UBR1: variants seen among roughly 807,000 people sequenced by gnomAD.
UBR1 encodes the protein E3 ubiquitin-protein ligase UBR1.
A neutral mutation model predicts 242.1 loss-of-function variants in UBR1; 102 were observed. The observed-to-expected ratio is 0.42, with a 90% confidence interval of 0.36 to 0.50. The LOEUF (loss-of-function observed/expected upper bound fraction) is 0.50. Ranked by LOEUF, UBR1 falls within the 20% of genes least tolerant of loss-of-function variation. UBR1 has a pLI of 0.01. For missense variants in UBR1, 1,772 were observed against 2,101.8 expected (o/e 0.84, Z 3.07); for synonymous variants, 675 against 684.8 (o/e 0.99, Z 0.22).
At position 42,970,421 on chromosome 15, in the gene UBR1, T is replaced by C. The variant is rs902617785; in HGVS notation, c.4457+99A>G. The C allele has an allele frequency of 1.4e-5, 18 of 1,298,642 alleles. No homozygotes were observed. In the African/African-American group the frequency reaches 2.3e-4, roughly 17 times the overall value. The allele number at this position is 1,298,642 out of a possible 1,614,324, so 80.4% of individuals were successfully genotyped here. A position where few individuals can be genotyped will look rare whatever the true frequency, so the allele number is the denominator to read the frequency against. On this transcript the variant is annotated intron_variant, in intron 40 of 46. Coordinates refer to ENST00000290650, the MANE Select transcript of UBR1 (RefSeq NM_174916.3). ...GAAAACCTAGGCAATAACTGATTAT[T>C]TTTAACTGGAATTTAAATGATTCAA...
chr15:42,946,958 G>A (rs920512163), intron 46 of UBR1, among the ~76,000 whole-genome samples: 2 of 152,076 alleles, frequency 1.3e-5, no homozygotes, highest in East Asian at 1.9e-4. Context: ...GACCAGTCTG[G>A]CCAACACAGT....
rs750466270 is a variant in UBR1 at position 43,027,769 on chromosome 15, C to G, written c.2432+7G>C. On this transcript the variant is annotated splice_region_variant and intron_variant, in intron 22 of 46. Coordinates refer to ENST00000290650, the MANE Select transcript of UBR1 (RefSeq NM_174916.3). ...TTTTAGAATAAGCATAAATATTAAG[C>G]ACTTACTTAAATGTGGCCACTTTGT... The G allele has an allele frequency of 6.2e-6, 10 of 1,609,390 alleles. No individual in the cohort carries two copies. The Admixed American group carries it at 1.7e-4, about 27-fold the overall frequency.
At position 43,053,356 on chromosome 15, in the gene UBR1, T is replaced by G. The variant is rs143037300; in HGVS notation, c.1439+1386A>C. ...CCACTTAACTGGATATAAAAATAAC[T>G]CAGTTATAATACTTCACAGTAATGA... On this transcript the variant is annotated intron_variant, in intron 12 of 46. Coordinates refer to ENST00000290650, the MANE Select transcript of UBR1 (RefSeq NM_174916.3). Among the ~76,000 whole-genome samples, 182 of 152,268 alleles carry G rather than the reference T, an allele frequency of 1.2e-3. 1 individual carries two copies. The highest frequency in any genetic ancestry group is 4.3e-3 in the African/African-American group (180 of 41,544).
At chr15:42,949,824 T>A (rs2031799948) in intron 46 of UBR1, among the ~76,000 whole-genome samples, 1 of 149,620 alleles carries the variant, frequency 6.7e-6, no homozygotes, top group Middle Eastern at 3.4e-3. Context: ...AAATAAATAA[T>A]AAAAATAAAA....
At chr15:42,948,390 A>C (rs192727326) in intron 46 of UBR1, among the ~76,000 whole-genome samples, 13 of 152,336 alleles carry the variant, frequency 8.5e-5, no homozygotes, top group Admixed American at 3.3e-4. Context: ...TCATGTCTAA[A>C]ACCCCAAAAG....
rs1874145198 is a variant in UBR1, at chr15:42,945,355, A to G, written c.5224T>C (p.Phe1742Leu). 1.2e-6 allele frequency: 2 copies of G among 1,614,180 alleles called. No individual in the cohort carries two copies. The highest frequency in any genetic ancestry group is 4.5e-5 in the East Asian group (2 of 44,882). Residue 1742 changes from phenylalanine (F) to leucine (L), a missense_variant, in exon 47 of 47, where the codon TTT (phenylalanine) becomes CTT (leucine). Around this residue, in one of 3 missense-constraint regions of UBR1, gnomAD observed 965 missense variants for 1,079.7 expected, o/e 0.89. Coordinates refer to ENST00000290650, the MANE Select transcript of UBR1 (RefSeq NM_174916.3). ...CACAGTAACTGCCAGTTGAATCCAAATAACATCTGATTAGTCTCTTGGCTC... is the reference window on the plus strand; with the variant it reads ...CACAGTAACTGCCAGTTGAATCCAAGTAACATCTGATTAGTCTCTTGGCTC... ...ARSQETNQML[F>L]GFNWQLL is the part of the protein sequence containing the mutation.
chr15:43,075,461 T>A (rs1023614125), intron 3 of UBR1, among the ~76,000 whole-genome samples: 2 of 152,186 alleles, frequency 1.3e-5, no homozygotes, highest in Non-Finnish European at 2.9e-5. Flanking sequence ...TGTTATACTT[T>A]AAGTTTTAGG....
Position 43,049,897 on chromosome 15 carries a change from C to A in UBR1, c.1440-1406G>T, listed in dbSNP as rs571149391. On this transcript the variant is annotated intron_variant, in intron 12 of 46. Coordinates refer to ENST00000290650, the MANE Select transcript of UBR1 (RefSeq NM_174916.3). ...GCAGCACCAGCCTCACCTGAGTGCT[C>A]TTTAAAGAGGCAACATGTTGGGCTC... 5.9e-5 allele frequency among the ~76,000 whole-genome samples: 9 copies of A among 152,220 alleles called. No homozygotes were observed. In the East Asian group the frequency reaches 1.7e-3, roughly 29 times the overall value.
In UBR1 at chr15:43,032,744, C is replaced by T. The variant is rs6493077; in HGVS notation, c.2191-113G>A. On this transcript the variant is annotated intron_variant, in intron 19 of 46. Transcript: ENST00000290650. ...CCAGCCTAGTATTTTTCATCCAGTCCAGTATTTTTTTTGTATGTGTGCACA... is the reference window on the plus strand; with the variant it reads ...CCAGCCTAGTATTTTTCATCCAGTCTAGTATTTTTTTTGTATGTGTGCACA... 576,823 of 670,656 alleles carry T rather than the reference C, an allele frequency of 0.86. 249,343 individuals are homozygous for T. The highest frequency in any genetic ancestry group is 0.89 in the Non-Finnish European group (346,063 of 390,618). The allele number at this position is 670,656 out of a possible 1,614,324, so 41.5% of individuals were successfully genotyped here.
chr15:42,977,329 G>C (rs971158609), intron 38 of UBR1, among the ~76,000 whole-genome samples: 1 of 152,132 alleles, frequency 6.6e-6, no homozygotes, highest in Non-Finnish European at 1.5e-5. Flanking sequence ...GAGGATGTTG[G>C]CTACCCCTGC....
chr15:43,025,942 A>G (rs6493076), intron 23 of UBR1: 134,634 of 156,384 alleles, frequency 0.86, 58,063 homozygotes, highest in South Asian at 0.89. Flanking sequence ...AATTAAAGGA[A>G]ACTATTGGCC....
At chr15:42,970,811 CT>C (rs2032193198) in intron 39 of UBR1, among the ~76,000 whole-genome samples, 1 of 152,088 alleles carries the variant, frequency 6.6e-6, no homozygotes, top group African/African-American at 2.4e-5. Context: ...CAACCTCCAC[CT>C]CCCGGATTCA....
chr15:43,025,597 C>T (rs2033168346), intron 23 of UBR1, 168 bp from the exon 24 acceptor site: 3 of 606,200 alleles, frequency 4.9e-6, no homozygotes, highest in Admixed American at 5.8e-5. Context: ...CTAGAGAAAC[C>T]TAATGCAAAA....
At chr15:43,053,460 T>G (rs1256407571) in intron 12 of UBR1, among the ~76,000 whole-genome samples, 2 of 152,188 alleles carry the variant, frequency 1.3e-5, no homozygotes, top group African/African-American at 4.8e-5. Flanking sequence ...AGTTTTTGTT[T>G]TGTACAACAT....
At chr15:43,081,417 CAAAAAAAAAAAAA>C (rs71108197) in intron 3 of UBR1, among the ~76,000 whole-genome samples, 5 of 69,710 alleles carry the variant, frequency 7.2e-5, no homozygotes, top group African/African-American at 2.8e-4. Flanking sequence ...CACCCCATCT[CAAAAAAAAAAAAA>C]AAAAAAAAAA....
chr15:43,055,310 T>A (rs1258189099), intron 11 of UBR1, among the ~76,000 whole-genome samples: 1 of 152,000 alleles, frequency 6.6e-6, no homozygotes, highest in Non-Finnish European at 1.5e-5. Flanking sequence ...CCAGGTGTGG[T>A]GGCAATGCCT....
At chr15:43,002,746 T>C in intron 31 of UBR1, 42 bp from the exon 32 acceptor site, 1 of 1,613,710 alleles carries the variant, frequency 6.2e-7, no homozygotes, top group Non-Finnish European at 8.5e-7. Flanking sequence ...GAACTACACA[T>C]GCATCTCTAC....
At chr15:43,020,761 AC>A (rs1378166408) in intron 27 of UBR1, among the ~76,000 whole-genome samples, 3 of 152,110 alleles carry the variant, frequency 2.0e-5, no homozygotes, top group African/African-American at 7.2e-5. Flanking sequence ...CTTTCTGGCC[AC>A]CACAGAGCTT....
chr15:42,996,910 G>A (rs1046548318), intron 33 of UBR1, among the ~76,000 whole-genome samples: 6 of 152,166 alleles, frequency 3.9e-5, no homozygotes, highest in African/African-American at 1.2e-4. Flanking sequence ...AAGAGGGGAT[G>A]AGAAGATAAT....
Sources: allele counts gnomAD v4.1 joint callset (sites outside exome capture counted in the v4.1 genomes callset), GRCh38; gene constraint gnomAD v4.1.1; regional missense constraint gnomAD v4.1.1; transcripts MANE v1.5; gene names NCBI Gene and HGNC (gene_info 2026-07-23, HGNC 2026-07-21).